INPP4B: variants seen among roughly 807,000 people sequenced by gnomAD.
INPP4B encodes inositol polyphosphate 4-phosphatase type II.
INPP4B carries 55 observed loss-of-function variants against 122.5 expected under a neutral mutation model. That is an observed-to-expected ratio of 0.45 (90% confidence interval 0.36 to 0.56). The LOEUF (loss-of-function observed/expected upper bound fraction) is 0.56. Ranked by LOEUF, INPP4B falls within the 20% of genes least tolerant of loss-of-function variation. The pLI is 0.00. For missense variants in INPP4B, 1,000 were observed against 1,097.7 expected (o/e 0.91, Z 1.26); for synonymous variants, 403 against 388.7 (o/e 1.04, Z -0.43).
intron 9 of INPP4B, among the ~76,000 whole-genome samples, chr4:142,298,683 C>CAAAA (rs386401712): frequency 0.027 from 1,775 of 66,336 alleles, 208 homozygotes; most frequent in African/African-American, 0.098. Context: ...GACTCTGTCT[C>CAAAA]AAAAAAAAAA....
chr4:142,733,096 G>A (rs1222534269), intron 1 of INPP4B, among the ~76,000 whole-genome samples: 1 of 152,062 alleles, frequency 6.6e-6, no homozygotes, highest in Non-Finnish European at 1.5e-5. Context: ...TTACTAAATG[G>A]TGCTGAATGA....
In INPP4B at chr4:142,026,882, T is replaced by G. The variant is rs1448528948; in HGVS notation, c.*1900A>C. 6.6e-6 allele frequency: 1 copy of G among 152,198 alleles called. No homozygotes were observed. Among genetic ancestry groups the G allele is most frequent in the Non-Finnish European group, 1.5e-5 (1 of 68,032 alleles). The allele number at this position is 152,198 out of a possible 1,614,324, so 9.4% of individuals were successfully genotyped here. On this transcript the variant is annotated 3_prime_UTR_variant, in exon 26 of 26. Transcript: ENST00000262992. Reference sequence around the variant, plus strand: ...ATAAGAGTATTTACAGAATGATAAATTACTTAAGGTTTCTTAGAACTCAGA... The same window carrying G: ...ATAAGAGTATTTACAGAATGATAAAGTACTTAAGGTTTCTTAGAACTCAGA...
chr4:142,691,571 A>G (rs1760182329), intron 2 of INPP4B, among the ~76,000 whole-genome samples: 1 of 152,054 alleles, frequency 6.6e-6, no homozygotes, highest in African/African-American at 2.4e-5. Flanking sequence ...TCCATCAACA[A>G]CCCAGATTTA....
At chr4:142,652,008 A>C (rs1365543698) in intron 2 of INPP4B, among the ~76,000 whole-genome samples, 2 of 152,178 alleles carry the variant, frequency 1.3e-5, no homozygotes, top group African/African-American at 4.8e-5. Flanking sequence ...AGCACATCAA[A>C]AGGCTTATCC....
intron 7 of INPP4B, among the ~76,000 whole-genome samples, chr4:142,354,593 G>T (rs1782977102): frequency 6.6e-6 from 1 of 151,916 alleles, no homozygotes; most frequent in Non-Finnish European, 1.5e-5. Context: ...AAAATGAGCT[G>T]GTGTTATGGG....
chr4:142,343,900 C>A (rs769593767), intron 7 of INPP4B, among the ~76,000 whole-genome samples: 3 of 151,970 alleles, frequency 2.0e-5, no homozygotes, highest in African/African-American at 4.8e-5. Flanking sequence ...CAGTAAGCCA[C>A]TATATAAATT....
At chr4:142,522,202 G>C (rs1319163429) in intron 2 of INPP4B, among the ~76,000 whole-genome samples, 1 of 151,852 alleles carries the variant, frequency 6.6e-6, no homozygotes, top group Admixed American at 6.6e-5. Context: ...AATTTTTAAA[G>C]TTTGTATTTC....
At chr4:142,802,441 A>G (rs1327868808) in intron 1 of INPP4B, among the ~76,000 whole-genome samples, 2 of 152,186 alleles carry the variant, frequency 1.3e-5, no homozygotes, top group Non-Finnish European at 1.5e-5. Context: ...TGAGAGTCCC[A>G]AAGATGGCCC....
intron 15 of INPP4B, among the ~76,000 whole-genome samples, chr4:142,174,184 T>C (rs543425339): frequency 6.6e-6 from 1 of 152,058 alleles, no homozygotes; most frequent in Non-Finnish European, 1.5e-5. Flanking sequence ...CATAAGCCAG[T>C]GGGAAAAGAT....
At chr4:142,832,003 T>C (rs1782200408) in intron 1 of INPP4B, among the ~76,000 whole-genome samples, 1 of 152,164 alleles carries the variant, frequency 6.6e-6, no homozygotes, top group Non-Finnish European at 1.5e-5. Context: ...TAAAATATAT[T>C]TTGTGCTCAA....
intron 9 of INPP4B, among the ~76,000 whole-genome samples, chr4:142,294,516 T>TA (rs1365554792): frequency 6.6e-6 from 1 of 151,600 alleles, no homozygotes; most frequent in Non-Finnish European, 1.5e-5. Flanking sequence ...ACAAGGGATA[T>TA]AAAAAAATGG....
chr4:142,705,432 A>T (rs1762349576), intron 2 of INPP4B, among the ~76,000 whole-genome samples: 1 of 145,456 alleles, frequency 6.9e-6, no homozygotes, highest in African/African-American at 2.6e-5. Flanking sequence ...TCTTCCTACC[A>T]AGTCTCTCTA....
intron 21 of INPP4B, 45 bp from the exon 22 acceptor site, chr4:142,112,727 T>G (rs1790852183): frequency 1.3e-6 from 2 of 1,559,508 alleles, no homozygotes; most frequent in African/African-American, 1.4e-5. Context: ...ACTTATTTGT[T>G]TTGTGTTATT....
intron 2 of INPP4B, among the ~76,000 whole-genome samples, chr4:142,556,605 A>T (rs1729245417): frequency 6.6e-6 from 1 of 152,174 alleles, no homozygotes; most frequent in Admixed American, 6.5e-5. Flanking sequence ...AAGGAAAGTC[A>T]GCTCAGGTCA....
chr4:142,033,009 A>T (rs1294466498), intron 25 of INPP4B, among the ~76,000 whole-genome samples: 1 of 151,978 alleles, frequency 6.6e-6, no homozygotes, highest in Non-Finnish European at 1.5e-5. Flanking sequence ...GGTCCTTGGG[A>T]GTAGCAAGAA....
rs558984384 is a variant in INPP4B at position 142,056,014 on chromosome 4, T to C, written c.2642+26017A>G. 5.3e-5 allele frequency among the ~76,000 whole-genome samples: 8 copies of C among 151,936 alleles called. No homozygotes were observed. In the South Asian group the frequency reaches 1.7e-3, roughly 32 times the overall value. On this transcript the variant is annotated intron_variant, in intron 25 of 25. Transcript: ENST00000262992. ...GGAGACAGTGACAGATCATCAGGCA[T>C]TAGATTTTCATAAGGAGCACGTAGC...
intron 1 of INPP4B, among the ~76,000 whole-genome samples, chr4:142,742,851 T>C (rs1021968857): frequency 5.3e-5 from 8 of 151,930 alleles, no homozygotes; most frequent in Non-Finnish European, 1.2e-4. Context: ...AGCTAAGTGA[T>C]TGTACCAAAA....
intron 9 of INPP4B, among the ~76,000 whole-genome samples, chr4:142,293,345 G>T (rs542296349): frequency 1.3e-5 from 2 of 151,748 alleles, no homozygotes; most frequent in African/African-American, 2.4e-5. Flanking sequence ...TAAGTACATC[G>T]ATCAGGGAAC....
intron 21 of INPP4B, among the ~76,000 whole-genome samples, chr4:142,121,609 C>T (rs185977744): frequency 5.3e-5 from 8 of 152,120 alleles, no homozygotes; most frequent in East Asian, 3.9e-4. Flanking sequence ...CACTGACCTT[C>T]GAAGCTATTT....
Sources: allele counts gnomAD v4.1 joint callset (sites outside exome capture counted in the v4.1 genomes callset), GRCh38; gene constraint gnomAD v4.1.1; transcripts MANE v1.5; gene names NCBI Gene and HGNC (gene_info 2026-07-23, HGNC 2026-07-21).